Variants in ZNF107 observed in about 807,000 individuals in gnomAD.
ZNF107 encodes zinc finger protein 107.
In ZNF107, 19 loss-of-function variants were observed where a neutral mutation model predicts 12.3. The observed-to-expected ratio is 1.55, with a 90% CI of 1.08 to 2.27. The LOEUF is 2.27. ZNF107 is among the 30% of genes most tolerant of loss of function. The pLI, the probability that ZNF107 is intolerant of heterozygous loss-of-function variation, is 0.00. For synonymous variants in ZNF107, 317 were observed against 330.5 expected (o/e 0.96, Z 0.44); for missense variants, 958 against 979.9 (o/e 0.98, Z 0.30).
chr7:64,676,709 A>G (rs2862793), intron 1 of ZNF107, among the ~76,000 whole-genome samples: 78,792 of 151,990 alleles, frequency 0.52, 20,708 homozygotes, highest in East Asian at 0.67. Flanking sequence ...TGTCCACAGT[A>G]AAATTCCTAG....
chr7:64,683,458 A>G (rs985796313), intron 1 of ZNF107, among the ~76,000 whole-genome samples: 30 of 152,326 alleles, frequency 2.0e-4, no homozygotes, highest in African/African-American at 6.5e-4. Context: ...TCTCTGCTCC[A>G]AAAGACCAGT....
Position 64,706,333 on chromosome 7 carries a change from T to C in ZNF107, c.236T>C (p.Phe79Ser). The change falls in exon 4 of 4, where the codon TTT (phenylalanine) becomes TCT (serine). Residue 79 changes from phenylalanine to serine, a missense_variant. By Grantham distance (155) the Phe-to-Ser change is radical (BLOSUM62 -2). Transcript: ENST00000620827. ...TTTTTATTTCTTTCAGTAATGTCTT[T>C]TCATTTTGCCCAAGACCTTTGGCCA... is the stretch of plus-strand genomic sequence containing the variant. ...EMVAKPPVMS[F>S]HFAQDLWPEQ... is the part of the protein sequence containing the mutation. 6.5e-7 allele frequency: 1 copy of C among 1,538,642 alleles called. No homozygotes were observed. Among genetic ancestry groups the C allele is most frequent in the Non-Finnish European group, 8.7e-7 (1 of 1,143,676 alleles).
At chr7:64,670,417 G>A (rs1232758593) in intron 1 of ZNF107, among the ~76,000 whole-genome samples, 1 of 152,156 alleles carries the variant, frequency 6.6e-6, no homozygotes, top group Non-Finnish European at 1.5e-5. Context: ...GACAAAAAAT[G>A]GGGTTGTATG....
chr7:64,668,853 A>G (rs986922149), intron 1 of ZNF107, among the ~76,000 whole-genome samples: 1 of 152,166 alleles, frequency 6.6e-6, no homozygotes, highest in Admixed American at 6.5e-5. Flanking sequence ...GAAAATGAAT[A>G]CATTTTTACA....
chr7:64,705,598 C>T (rs1439293291), intron 3 of ZNF107, among the ~76,000 whole-genome samples: 1 of 151,686 alleles, frequency 6.6e-6, no homozygotes, highest in Non-Finnish European at 1.5e-5. Flanking sequence ...TATAATGTAG[C>T]TTTGTCCTGG....
intron 3 of ZNF107, among the ~76,000 whole-genome samples, chr7:64,697,980 G>A (rs1487680007): frequency 6.6e-6 from 1 of 151,856 alleles, no homozygotes; most frequent in Non-Finnish European, 1.5e-5. Context: ...GCGCCCGGCC[G>A]GTAAAACATA....
chr7:64,668,869 A>ATG, intron 1 of ZNF107, among the ~76,000 whole-genome samples: 1 of 152,126 alleles, frequency 6.6e-6, no homozygotes, highest in East Asian at 1.9e-4. Context: ...TTACAAGAAA[A>ATG]TGTGGTAGAT....
chr7:64,678,246 AAGAT>A (rs1465403800), intron 1 of ZNF107, among the ~76,000 whole-genome samples: 2 of 152,210 alleles, frequency 1.3e-5, no homozygotes, highest in Non-Finnish European at 2.9e-5. Context: ...GTTGAGCACA[AAGAT>A]AGTATTAAAT....
chr7:64,677,913 CTG>C, intron 1 of ZNF107, among the ~76,000 whole-genome samples: 1 of 147,444 alleles, frequency 6.8e-6, no homozygotes, highest in Non-Finnish European at 1.5e-5. Context: ...AGAGACCTGT[CTG>C]TTGTAGGAGA....
intron 3 of ZNF107, among the ~76,000 whole-genome samples, chr7:64,704,870 G>A (rs1360976458): frequency 3.9e-5 from 6 of 152,056 alleles, no homozygotes; most frequent in Admixed American, 2.6e-4. Flanking sequence ...AGTACAGATG[G>A]GGTTTCACCA....
At chr7:64,696,184 C>T (rs906414270) in intron 3 of ZNF107, among the ~76,000 whole-genome samples, 7 of 152,058 alleles carry the variant, frequency 4.6e-5, no homozygotes, top group African/African-American at 1.7e-4. Context: ...TCCCAAGTAG[C>T]TGGGATTACA....
intron 3 of ZNF107, among the ~76,000 whole-genome samples, chr7:64,695,563 C>A (rs1790260805): frequency 6.6e-6 from 1 of 152,046 alleles, no homozygotes; most frequent in Non-Finnish European, 1.5e-5. Flanking sequence ...ATTTGCAATT[C>A]TGTTTGTACA....
chr7:64,693,103 A>G (rs1433881989), intron 3 of ZNF107, among the ~76,000 whole-genome samples: 1 of 150,324 alleles, frequency 6.7e-6, no homozygotes, highest in Non-Finnish European at 1.5e-5. Flanking sequence ...GGTTCACACC[A>G]TTCTCCTGCC....
At chr7:64,691,492 T>TGAGAAAGTACAGAAAAC in intron 2 of ZNF107, 118 bp downstream of exon 2, 1 of 956,816 alleles carries the variant, frequency 1.0e-6, no homozygotes. Flanking sequence ...ATCTCTGTTT[T>TGAGAAAGTACAGAAAAC]CAAGAAAATC....
rs751715039 is a variant in ZNF107, at chr7:64,706,446, TG to T, written c.350del (p.Cys117LeufsTer21). ...TGAGAATTTACAGTTAAGAAAAGGC[TG>T]TAAACATGTGGATGAGTGTACGGGG... The part of the protein sequence containing the change: ...EYENLQLRKG[C>X]KHVDECTGHK... On this transcript the variant is annotated frameshift_variant, in exon 4 of 4. Transcript: ENST00000620827. LOFTEE classifies it low-confidence loss of function (END_TRUNC). The T allele has an allele frequency of 1.2e-6, 2 of 1,613,674 alleles. No homozygotes were observed. The highest frequency in any genetic ancestry group is 3.3e-5 in the Admixed American group (2 of 59,980).
intron 1 of ZNF107, among the ~76,000 whole-genome samples, chr7:64,671,127 T>C (rs1789206169): frequency 6.6e-6 from 1 of 152,182 alleles, no homozygotes; most frequent in Non-Finnish European, 1.5e-5. Flanking sequence ...TCTGGGTGTC[T>C]GGGAATGCGA....
intron 1 of ZNF107, among the ~76,000 whole-genome samples, chr7:64,676,407 C>G (rs1474818392): frequency 6.6e-6 from 1 of 152,104 alleles, no homozygotes; most frequent in African/African-American, 2.4e-5. Context: ...TCAAGTGTTA[C>G]ATTTAGGTCC....
chr7:64,694,841 G>A (rs1019372892), intron 3 of ZNF107, among the ~76,000 whole-genome samples: 1 of 151,768 alleles, frequency 6.6e-6, no homozygotes, highest in East Asian at 1.9e-4. Context: ...AGACATTTAG[G>A]GCAATGTACT....
intron 1 of ZNF107, among the ~76,000 whole-genome samples, chr7:64,670,535 C>G (rs1789181766): frequency 6.6e-6 from 1 of 152,084 alleles, no homozygotes; most frequent in African/African-American, 2.4e-5. Flanking sequence ...AAGAAAAATT[C>G]AGCTAATTTT....
Sources: allele counts gnomAD v4.1 joint callset (sites outside exome capture counted in the v4.1 genomes callset), GRCh38; gene constraint gnomAD v4.1.1; transcripts MANE v1.5; gene names NCBI Gene and HGNC (gene_info 2026-07-23, HGNC 2026-07-21).